The following B4GALNT2 variants were observed in gnomAD, a reference collection of about 807,000 sequenced individuals.
The protein encoded by B4GALNT2 is beta-1,4-N-acetyl-galactosaminyltransferase 2 (SID blood group), also known as N-acetylneuraminylgalactosylglucosyl-glucoside beta-1,4-N- acetylgalactosaminyltransferase 2.
Under a neutral mutation model 51.1 loss-of-function variants are expected in B4GALNT2, and 42 were observed. The observed-to-expected ratio is 0.82, with a 90% CI of 0.64 to 1.06. B4GALNT2 has a LOEUF of 1.06. Ranked by LOEUF, B4GALNT2 falls within the 50% of genes least tolerant of loss-of-function variation. The pLI is 0.00. For synonymous variants in B4GALNT2, 253 were observed against 251.7 expected, an observed-to-expected ratio of 1.01 and a Z score of -0.05; for missense variants, 602 against 633.6, an observed-to-expected ratio of 0.95 and a Z score of 0.54.
the B4GALNT2 span, among the ~76,000 whole-genome samples, chr17:49,122,848 CAT>C: frequency 6.6e-6 from 1 of 152,198 alleles, no homozygotes; most frequent in Non-Finnish European, 1.5e-5. Context: ...GCTGCTACAG[CAT>C]ATAGTCCTAC....
chr17:49,143,295 C>T (rs12103506), intron 3 of B4GALNT2, among the ~76,000 whole-genome samples: 25 of 98,280 alleles, frequency 2.5e-4, no homozygotes, highest in African/African-American at 1.1e-3. Context: ...ACAACAACAA[C>T]AAAAACAAAA....
At chr17:49,160,447 C>A (rs2042852669) in intron 6 of B4GALNT2, 108 bp from the exon 7 acceptor site, 8 of 1,037,410 alleles carry the variant, frequency 7.7e-6, no homozygotes, top group Non-Finnish European at 1.1e-5. Context: ...CCAACCAGGA[C>A]TCTCCCCACC....
chr17:49,137,476 G>T (rs1054796657), intron 1 of B4GALNT2, among the ~76,000 whole-genome samples: 9 of 152,058 alleles, frequency 5.9e-5, no homozygotes, highest in Non-Finnish European at 1.3e-4. Flanking sequence ...CAGCAAGAAG[G>T]TCCCCAGATG....
At chr17:49,142,193 C>T (rs1290413313) in intron 3 of B4GALNT2, 21 bp downstream of exon 3, 1 of 1,613,638 alleles carries the variant, frequency 6.2e-7, no homozygotes, top group East Asian at 2.2e-5. Context: ...TCATGAAGGC[C>T]CTTGGGTTCT....
In B4GALNT2 at chr17:49,170,887, CA is replaced by C. The variant is rs1167023395; in HGVS notation, c.*1162del. The C allele has an allele frequency of 1.3e-5, 2 of 152,348 alleles. No homozygotes were observed. The highest frequency in any genetic ancestry group is 4.8e-5 in the African/African-American group (2 of 41,442). The allele number at this position is 152,348 out of a possible 1,614,324, so 9.4% of individuals were successfully genotyped here. A position where few individuals can be genotyped will look rare whatever the true frequency, so the allele number is the denominator to read the frequency against. On this transcript the variant is annotated 3_prime_UTR_variant, in exon 11 of 11. Coordinates refer to ENST00000393354, the MANE Select transcript of B4GALNT2 (RefSeq NM_001159387.2). ...CAGGAAACAAAGGGATGGGCCGAAACAAAGGGATGGGCTCTGGCTAGTTATC... is the reference window on the plus strand; with the variant it reads ...CAGGAAACAAAGGGATGGGCCGAAACAAGGGATGGGCTCTGGCTAGTTATC...
At chr17:49,132,636 G>C, upstream of B4GALNT2, 4 of 795,796 alleles carry the variant, frequency 5.0e-6, no homozygotes, top group Non-Finnish European at 3.5e-6. Context: ...GCGCTGGTGT[G>C]GGGGCGGTCA....
At chr17:49,159,843 G>C (rs2042845985) in intron 6 of B4GALNT2, among the ~76,000 whole-genome samples, 1 of 152,118 alleles carries the variant, frequency 6.6e-6, no homozygotes, top group South Asian at 2.1e-4. Context: ...TCTCAAAGCT[G>C]AAGATTTCCA....
chr17:49,150,844 C>CGCT (rs1001930416), intron 3 of B4GALNT2, among the ~76,000 whole-genome samples: 3 of 147,662 alleles, frequency 2.0e-5, no homozygotes, highest in African/African-American at 7.6e-5. Context: ...CTTGTTTATC[C>CGCT]GCTGACCTTC....
rs569529392 is a variant in B4GALNT2, at chr17:49,137,357, G to A, written c.15-3890G>A. Among the ~76,000 whole-genome samples the A allele has an allele frequency of 4.6e-5, 7 of 152,304 alleles. No individual in the cohort carries two copies. The South Asian group carries it at 1.4e-3, about 32-fold the overall frequency. On this transcript the variant is annotated intron_variant, in intron 1 of 10. Coordinates refer to ENST00000393354, the MANE Select transcript of B4GALNT2 (RefSeq NM_001159387.2). ...ATTAATGCCATTATCATGGGAGTGG[G>A]TTCGTTATAGTAGGAGTGGATTCCT...
intron 2 of B4GALNT2, 104 bp from the exon 3 acceptor site, chr17:49,141,928 AAAG>A: frequency 7.0e-7 from 1 of 1,429,108 alleles, no homozygotes; most frequent in South Asian, 1.2e-5. Context: ...TGGGTGTAGG[AAAG>A]AAGATTTTCA....
At chr17:49,153,398 A>G (rs1207050750) in intron 4 of B4GALNT2, among the ~76,000 whole-genome samples, 1 of 152,132 alleles carries the variant, frequency 6.6e-6, no homozygotes, top group Non-Finnish European at 1.5e-5. Flanking sequence ...CTGGGTGACA[A>G]AGTGAGATCC....
At position 49,138,520 on chromosome 17, in the gene B4GALNT2, G is replaced by T. The variant is rs149600383; in HGVS notation, c.15-2727G>T. On this transcript the variant is annotated intron_variant, in intron 1 of 10. Transcript: ENST00000393354. ...TTTGAATTCTGCATCTGTCATAACC[G>T]AGAAAGCAGGTTACTTTTCCTATTT... 4.0e-4 allele frequency among the ~76,000 whole-genome samples: 61 copies of T among 152,270 alleles called. 1 individual carries two copies. The highest frequency in any genetic ancestry group is 1.5e-3 in the African/African-American group (61 of 41,562).
chr17:49,148,365 A>G (rs61687261), intron 3 of B4GALNT2: 99,471 of 356,368 alleles, frequency 0.28, 14,541 homozygotes, highest in East Asian at 0.52. Flanking sequence ...CCACATCCAC[A>G]ACCAAATCTG....
At position 49,141,378 on chromosome 17, in the gene B4GALNT2, C is replaced by G. The variant is rs202077332; in HGVS notation, c.146C>G (p.Pro49Arg). 1 of 1,614,012 alleles carries G rather than the reference C, an allele frequency of 6.2e-7. No individual in the cohort carries two copies. The highest frequency in any genetic ancestry group is 8.5e-7 in the Non-Finnish European group (1 of 1,180,020). Reference protein sequence around the residue: ...SPKPELPSPAPGVQKLKLLPE... With the variant: ...SPKPELPSPARGVQKLKLLPE... ...AAGCCAGAACTCCCAAGTCCTGCCC[C>G]GGGTGTCCAGAAGCTGAAGCTTCTG... The change falls in exon 2 of 11, where the codon CCG becomes CGG. Residue 49 changes from proline (P) to arginine (R), a missense_variant. Coordinates refer to ENST00000393354, the MANE Select transcript of B4GALNT2 (RefSeq NM_001159387.2).
At chr17:49,143,856 C>T (rs947776912) in intron 3 of B4GALNT2, among the ~76,000 whole-genome samples, 1 of 152,064 alleles carries the variant, frequency 6.6e-6, no homozygotes, top group African/African-American at 2.4e-5. Context: ...TATAAAACTA[C>T]CAGTCCCTTG....
At chr17:49,137,914 A>T (rs535420053) in intron 1 of B4GALNT2, among the ~76,000 whole-genome samples, 1 of 152,318 alleles carries the variant, frequency 6.6e-6, no homozygotes, top group Non-Finnish European at 1.5e-5. Flanking sequence ...GTGAGACCTG[A>T]TTAAAATCCA....
Position 49,147,053 on chromosome 17 carries a change from A to G in B4GALNT2, c.353+4881A>G, listed in dbSNP as rs545895942. Among the ~76,000 whole-genome samples the G allele has an allele frequency of 2.6e-5, 4 of 152,344 alleles. No individual in the cohort carries two copies. The South Asian group carries it at 8.3e-4, about 32-fold the overall frequency. The stretch of plus-strand genomic sequence containing the variant: ...TACATGTTGGATGAGGTAATCTGGC[A>G]AAATTGCATTTAGAGACCACATCTG... On this transcript the variant is annotated intron_variant, in intron 3 of 10. Transcript: ENST00000393354.
In B4GALNT2 at chr17:49,172,216, C is replaced by T; in HGVS notation, c.*2488C>T. On this transcript the variant is annotated 3_prime_UTR_variant, in exon 11 of 11. Transcript: ENST00000393354. ...TGATAGTTGGGGTCCTCCTCAGCAT[C>T]AGTCTTGACATGGCTGCAACCAGGG... 4.5e-6 allele frequency: 1 copy of T among 222,742 alleles called. No homozygotes were observed. The highest frequency in any genetic ancestry group is 8.5e-5 in the East Asian group (1 of 11,796). 13.8% of individuals were successfully genotyped at this position (222,742 alleles called of 1,614,324 possible).
rs2144356578 is a variant in B4GALNT2 at position 49,175,423 on chromosome 17, C to T, written c.*5695C>T. 1 of 152,266 alleles carries T rather than the reference C, an allele frequency of 6.6e-6. No individual in the cohort carries two copies. The highest frequency in any genetic ancestry group is 6.5e-5 in the Admixed American group (1 of 15,296). 9.4% of individuals were successfully genotyped at this position (152,266 alleles called of 1,614,324 possible). On this transcript the variant is annotated 3_prime_UTR_variant, in exon 11 of 11. Coordinates refer to ENST00000393354, the MANE Select transcript of B4GALNT2 (RefSeq NM_001159387.2). The stretch of plus-strand genomic sequence containing the variant: ...GTAAATATAACAATTTGAATTTCCC[C>T]ATTGTAATCTGAATCAATGACTCCT...
Sources: allele counts gnomAD v4.1 joint callset (sites outside exome capture counted in the v4.1 genomes callset), GRCh38; gene constraint gnomAD v4.1.1; transcripts MANE v1.5; gene names NCBI Gene and HGNC (gene_info 2026-07-23, HGNC 2026-07-21).